VWC2: variants seen among roughly 807,000 people sequenced by gnomAD.
The protein encoded by VWC2 is brorin.
Under a neutral mutation model 29.8 loss-of-function variants are expected in VWC2, and 14 were observed. The ratio of observed to expected loss-of-function variants is 0.47; its 90% CI spans 0.31 to 0.74. The LOEUF is 0.74. VWC2 is among the 30% of genes least tolerant of loss of function. The pLI is 0.05. For synonymous variants in VWC2, 213 were observed against 199.0 expected, an observed-to-expected ratio of 1.07 and a Z score of -0.59; for missense variants, 457 against 459.8, an observed-to-expected ratio of 0.99 and a Z score of 0.05.
intron 3 of VWC2, among the ~76,000 whole-genome samples, chr7:49,853,389 G>A (rs371415561): frequency 1.8e-4 from 27 of 152,208 alleles, no homozygotes; most frequent in African/African-American, 6.3e-4. Flanking sequence ...TTGGCCTCAG[G>A]AGATGCTGGC....
At chr7:49,798,990 G>T (rs1463926128) in intron 2 of VWC2, among the ~76,000 whole-genome samples, 8 of 152,218 alleles carry the variant, frequency 5.3e-5, no homozygotes, top group Non-Finnish European at 1.2e-4. Context: ...GTGAGCCAGC[G>T]AGACAGGACA....
At chr7:49,816,075 G>C (rs139980835) in intron 3 of VWC2, among the ~76,000 whole-genome samples, 1 of 152,158 alleles carries the variant, frequency 6.6e-6, no homozygotes, top group Non-Finnish European at 1.5e-5. Flanking sequence ...TATGTCCAGA[G>C]GGTGGGAGCG....
chr7:49,780,893 TTC>T (rs1788160034), intron 2 of VWC2, among the ~76,000 whole-genome samples: 1 of 152,188 alleles, frequency 6.6e-6, no homozygotes, highest in Non-Finnish European at 1.5e-5. Context: ...AAAATCTTAT[TTC>T]TAGGTTTTTA....
chr7:49,820,275 T>C (rs1484288331), intron 3 of VWC2, among the ~76,000 whole-genome samples: 1 of 151,992 alleles, frequency 6.6e-6, no homozygotes, highest in Non-Finnish European at 1.5e-5. Flanking sequence ...TTCTCCACAC[T>C]CCAGGCACCA....
At chr7:49,826,357 A>G (rs1789391713) in intron 3 of VWC2, among the ~76,000 whole-genome samples, 1 of 152,224 alleles carries the variant, frequency 6.6e-6, no homozygotes, top group Non-Finnish European at 1.5e-5. Context: ...AATCTCCTTT[A>G]AAACATCTTA....
chr7:49,873,162 A>G lies in VWC2; in HGVS notation c.827-38872A>G, dbSNP rs188064864. Among the ~76,000 whole-genome samples the G allele has an allele frequency of 1.4e-4, 21 of 152,246 alleles. No individual in the cohort carries two copies. In the East Asian group the frequency reaches 3.9e-3, roughly 28 times the overall value. The stretch of plus-strand genomic sequence containing the variant: ...AGAAAAAAGAAATTTGAGAGTAACA[A>G]TTTGTCTTGGTCTGTTCGGGCTGCT... On this transcript the variant is annotated intron_variant, in intron 3 of 3. Coordinates refer to ENST00000340652, the MANE Select transcript of VWC2 (RefSeq NM_198570.5).
chr7:49,802,464 C>T (rs573227644), intron 2 of VWC2, among the ~76,000 whole-genome samples: 16 of 152,194 alleles, frequency 1.1e-4, no homozygotes, highest in Non-Finnish European at 7.4e-5. Context: ...ATGGTTAAAC[C>T]CCATCTCTAT....
chr7:49,828,096 A>G (rs924520907), intron 3 of VWC2, among the ~76,000 whole-genome samples: 2 of 152,100 alleles, frequency 1.3e-5, no homozygotes, highest in Non-Finnish European at 2.9e-5. Flanking sequence ...GCTTGTTCAG[A>G]GACATCATGT....
Position 49,920,704 on chromosome 7 carries a change from GTGT to G in VWC2, c.*8521_*8523del, listed in dbSNP as rs1381015074. On this transcript the variant is annotated 3_prime_UTR_variant, in exon 4 of 4. Transcript: ENST00000340652. ...GAATAAAACACATATGTATTTAATT[GTGT>G]TATTTACTATTTATAATTTGAATTG... 7.2e-6 allele frequency: 1 copy of G among 139,114 alleles called. No individual in the cohort carries two copies. Among genetic ancestry groups the G allele is most frequent in the Non-Finnish European group, 1.5e-5 (1 of 64,858 alleles). The allele number at this position is 139,114 out of a possible 1,614,324, so 8.6% of individuals were successfully genotyped here.
chr7:49,862,303 T>C (rs1030363784), intron 3 of VWC2, among the ~76,000 whole-genome samples: 3 of 152,168 alleles, frequency 2.0e-5, no homozygotes, highest in Non-Finnish European at 2.9e-5. Context: ...AAACAGCCTT[T>C]TTTTGTGTGT....
chr7:49,892,031 A>ATTGTT, intron 3 of VWC2, among the ~76,000 whole-genome samples: 1 of 53,288 alleles, frequency 1.9e-5, no homozygotes, highest in African/African-American at 7.3e-5. Context: ...GACAAAGTAG[A>ATTGTT]TTTTTTTTTT....
intron 3 of VWC2, among the ~76,000 whole-genome samples, chr7:49,902,010 A>T (rs191244003): frequency 6.8e-6 from 1 of 147,652 alleles, no homozygotes; most frequent in Admixed American, 6.6e-5. Flanking sequence ...CAAGAGACAG[A>T]CTTTACACCC....
At chr7:49,871,295 A>C (rs527340561) in intron 3 of VWC2, among the ~76,000 whole-genome samples, 2 of 152,298 alleles carry the variant, frequency 1.3e-5, no homozygotes, top group East Asian at 3.9e-4. Flanking sequence ...CTTTTGATCC[A>C]AGTCGGATTC....
intron 3 of VWC2, among the ~76,000 whole-genome samples, chr7:49,887,927 T>C (rs915664444): frequency 3.3e-5 from 5 of 152,264 alleles, no homozygotes; most frequent in Non-Finnish European, 5.9e-5. Context: ...CTCCAATCTA[T>C]GTTTATTCAT....
At chr7:49,802,257 T>C (rs1180820709) in intron 2 of VWC2, among the ~76,000 whole-genome samples, 6 of 152,216 alleles carry the variant, frequency 3.9e-5, no homozygotes, top group African/African-American at 1.4e-4. Flanking sequence ...CCAGCATGCC[T>C]GTGTCCACAC....
chr7:49,852,906 G>C (rs1484246852), intron 3 of VWC2, among the ~76,000 whole-genome samples: 1 of 152,218 alleles, frequency 6.6e-6, no homozygotes, highest in Admixed American at 6.5e-5. Flanking sequence ...GCACTCTGTG[G>C]ACTTGGGTAA....
chr7:49,805,040 A>G (rs1054467170), intron 3 of VWC2, among the ~76,000 whole-genome samples: 7 of 152,258 alleles, frequency 4.6e-5, no homozygotes, highest in Admixed American at 4.6e-4. Flanking sequence ...CAGAAATGTT[A>G]AATTTACAAA....
chr7:49,864,896 T>C (rs878905266), intron 3 of VWC2, among the ~76,000 whole-genome samples: 4 of 152,242 alleles, frequency 2.6e-5, no homozygotes, highest in Admixed American at 2.0e-4. Flanking sequence ...CTTGCTTTGT[T>C]GCTGTAAACC....
At chr7:49,810,793 G>C (rs995316156) in intron 3 of VWC2, among the ~76,000 whole-genome samples, 4 of 152,086 alleles carry the variant, frequency 2.6e-5, no homozygotes, top group African/African-American at 9.7e-5. Flanking sequence ...TCAACAAATG[G>C]TGCAGGGACA....
Sources: allele counts gnomAD v4.1 joint callset (sites outside exome capture counted in the v4.1 genomes callset), GRCh38; gene constraint gnomAD v4.1.1; transcripts MANE v1.5; gene names NCBI Gene and HGNC (gene_info 2026-07-23, HGNC 2026-07-21).